The following PLAC1 variants were observed in gnomAD, a reference collection of about 807,000 sequenced individuals.
PLAC1 encodes the protein placenta-specific protein 1.
For synonymous variants in PLAC1, 68 were observed against 62.1 expected, an observed-to-expected ratio of 1.09 and a Z score of -0.44; for missense variants, 136 against 163.2, an observed-to-expected ratio of 0.83 and a Z score of 0.91.
chrX:134,589,911 A>C (rs899396008), intron 2 of PLAC1, among the ~76,000 whole-genome samples: 34 of 110,564 alleles, frequency 3.1e-4, no homozygotes, highest in African/African-American at 1.1e-3. Flanking sequence ...ATAAATACAA[A>C]TGGGCCGGGC....
intron 2 of PLAC1, among the ~76,000 whole-genome samples, chrX:134,680,995 C>A (rs1250713496): frequency 9.0e-6 from 1 of 111,368 alleles, no homozygotes; most frequent in African/African-American, 3.3e-5. Flanking sequence ...AGAATCATAC[C>A]GGCAGATTGG....
chrX:134,702,885 T>C (rs1455930127), intron 2 of PLAC1, among the ~76,000 whole-genome samples: 1 of 112,575 alleles, frequency 8.9e-6, no homozygotes, highest in African/African-American at 3.2e-5. Flanking sequence ...CCTAATCTTG[T>C]TTATGATAGC....
intron 2 of PLAC1, among the ~76,000 whole-genome samples, chrX:134,665,587 T>G (rs1350036503): frequency 9.0e-6 from 1 of 111,217 alleles, no homozygotes; most frequent in Non-Finnish European, 1.9e-5. Context: ...GTGGCAGGTA[T>G]TTTACTTAGT....
intron 2 of PLAC1, among the ~76,000 whole-genome samples, chrX:134,714,384 G>A (rs949881623): frequency 3.1e-4 from 34 of 108,721 alleles, no homozygotes; most frequent in Non-Finnish European, 6.1e-4. Context: ...TTCTCATAGC[G>A]GAGTAGAAAA....
At chrX:134,741,318 G>A (rs187132265) in intron 1 of PLAC1, among the ~76,000 whole-genome samples, 50 of 111,711 alleles carry the variant, frequency 4.5e-4, no homozygotes, top group African/African-American at 1.6e-3. Flanking sequence ...TATGTTCATA[G>A]TCTTTCCCTC....
intron 2 of PLAC1, among the ~76,000 whole-genome samples, chrX:134,598,656 G>GT (rs34696560): frequency 0.19 from 20,502 of 110,767 alleles, 1,565 homozygotes; most frequent in Non-Finnish European, 0.21. Flanking sequence ...GAGAAGGGTT[G>GT]TTTTTTTAAG....
At chrX:134,571,259 T>C (rs1262984022) in intron 2 of PLAC1, among the ~76,000 whole-genome samples, 2 of 112,434 alleles carry the variant, frequency 1.8e-5, no homozygotes, top group African/African-American at 3.2e-5. Context: ...CAAATAAAAA[T>C]TGTATATATT....
At chrX:134,714,384 G>C (rs949881623) in intron 2 of PLAC1, among the ~76,000 whole-genome samples, 2 of 108,721 alleles carry the variant, frequency 1.8e-5, no homozygotes, top group African/African-American at 6.7e-5. Context: ...TTCTCATAGC[G>C]GAGTAGAAAA....
chrX:134,753,996 A>G (rs910667908), intron 1 of PLAC1, among the ~76,000 whole-genome samples: 1 of 112,603 alleles, frequency 8.9e-6, no homozygotes, highest in African/African-American at 3.2e-5. Flanking sequence ...AGACTAAAAT[A>G]TTGCATATAG....
At chrX:134,739,231 T>TA (rs1285204854) in intron 1 of PLAC1, among the ~76,000 whole-genome samples, 2 of 112,403 alleles carry the variant, frequency 1.8e-5, no homozygotes, top group South Asian at 3.7e-4. Context: ...TAAATGGTTT[T>TA]AAAAAAATAA....
intron 2 of PLAC1, among the ~76,000 whole-genome samples, chrX:134,569,780 G>T (rs923331142): frequency 1.1e-4 from 11 of 99,735 alleles, no homozygotes; most frequent in African/African-American, 3.5e-4. Context: ...GTGTGTGTGT[G>T]TGTGTGTTTG....
At chrX:134,596,279 A>G (rs2078061853) in intron 2 of PLAC1, among the ~76,000 whole-genome samples, 1 of 112,221 alleles carries the variant, frequency 8.9e-6, no homozygotes. Context: ...TGTGTTCATC[A>G]TATTTTTGCT....
At chrX:134,696,795 G>A (rs766788887) in intron 2 of PLAC1, among the ~76,000 whole-genome samples, 2 of 110,515 alleles carry the variant, frequency 1.8e-5, no homozygotes, top group South Asian at 3.9e-4. Flanking sequence ...TTGGGAGGCC[G>A]AGGCGGGAGG....
intron 1 of PLAC1, among the ~76,000 whole-genome samples, chrX:134,603,319 T>A (rs867179832): frequency 7.8e-3 from 135 of 17,265 alleles, no homozygotes; most frequent in Admixed American, 8.7e-3. Context: ...ATATATTTTT[T>A]TTTTTTTTTT....
intron 2 of PLAC1, among the ~76,000 whole-genome samples, chrX:134,713,863 G>C (rs1407569422): frequency 9.0e-6 from 1 of 111,575 alleles, no homozygotes; most frequent in Non-Finnish European, 1.9e-5. Flanking sequence ...GGATGGTCCC[G>C]TGAAGAGGTG....
intron 1 of PLAC1, among the ~76,000 whole-genome samples, chrX:134,759,870 C>CAT (rs2078765669): frequency 9.0e-6 from 1 of 111,345 alleles, no homozygotes; most frequent in Admixed American, 9.5e-5. Flanking sequence ...AAAACTTGAT[C>CAT]ATATGTAGAT....
chrX:134,640,829 G>A (rs1306718445), intron 1 of PLAC1, among the ~76,000 whole-genome samples: 1 of 112,323 alleles, frequency 8.9e-6, no homozygotes, highest in Non-Finnish European at 1.9e-5. Context: ...CTGAGTAATG[G>A]GGCCAGGTGC....
At chrX:134,620,103 A>T (rs1216435488) in intron 1 of PLAC1, among the ~76,000 whole-genome samples, 2 of 112,296 alleles carry the variant, frequency 1.8e-5, no homozygotes, top group Non-Finnish European at 3.8e-5. Context: ...GACCCATGTA[A>T]ACCTGGAGAA....
chrX:134,626,083 A>T (rs1466837627), intron 1 of PLAC1, among the ~76,000 whole-genome samples: 2 of 111,086 alleles, frequency 1.8e-5, no homozygotes, highest in Non-Finnish European at 3.8e-5. Flanking sequence ...CTGACCAGCG[A>T]CTTCAAGAGC....
Sources: allele counts gnomAD v4.1 joint callset (sites outside exome capture counted in the v4.1 genomes callset), GRCh38; gene constraint gnomAD v4.1.1; transcripts MANE v1.5; gene names NCBI Gene and HGNC (gene_info 2026-07-23, HGNC 2026-07-21).